Variants in DZIP1 observed in about 807,000 individuals in gnomAD.
DZIP1 encodes the protein cilium assembly protein DZIP1.
A neutral mutation model predicts 107.6 loss-of-function variants in DZIP1; 97 were observed. The observed-to-expected ratio is 0.90, with a 90% confidence interval of 0.77 to 1.07. The LOEUF (loss-of-function observed/expected upper bound fraction) is 1.07, where lower values mean the gene tolerates loss of function less well. Among genes scored for constraint, DZIP1 ranks in the 50% least tolerant of loss-of-function variants. The pLI is 0.00. For synonymous variants in DZIP1, 390 were observed against 386.4 expected (o/e 1.01, Z -0.11); for missense variants, 1,035 against 1,063.6 (o/e 0.97, Z 0.37).
intron 13 of DZIP1, among the ~76,000 whole-genome samples, chr13:95,606,344 A>G (rs1266818188): frequency 2.7e-5 from 4 of 150,802 alleles, no homozygotes; most frequent in Non-Finnish European, 5.9e-5. Context: ...CATTTGCTTC[A>G]TCACCTCCCT....
intron 10 of DZIP1, among the ~76,000 whole-genome samples, chr13:95,614,358 C>G (rs1032833778): frequency 6.6e-6 from 1 of 152,024 alleles, no homozygotes; most frequent in Non-Finnish European, 1.5e-5. Context: ...GGAAAAGTGG[C>G]CTCCAAAGCA....
chr13:95,616,590 CTGTT>C (rs751045108), intron 10 of DZIP1, among the ~76,000 whole-genome samples: 1 of 152,138 alleles, frequency 6.6e-6, no homozygotes, highest in African/African-American at 2.4e-5. Context: ...GCTCAGAACT[CTGTT>C]TGAGATATTA....
chr13:95,588,434 GATTAA>G (rs1446409377), intron 19 of DZIP1, among the ~76,000 whole-genome samples: 25 of 152,184 alleles, frequency 1.6e-4, no homozygotes, highest in African/African-American at 5.5e-4. Flanking sequence ...AGGCAATGAT[GATTAA>G]ATTATTCATG....
chr13:95,600,710 A>G (rs116184387), intron 14 of DZIP1, among the ~76,000 whole-genome samples: 18 of 152,278 alleles, frequency 1.2e-4, no homozygotes, highest in African/African-American at 4.1e-4. Context: ...CAATGTATGT[A>G]ACATTGGCTG....
Position 95,641,728 on chromosome 13 carries a change from AG to A in DZIP1, c.163del (p.Leu55CysfsTer18). On this transcript the variant is annotated frameshift_variant, in exon 5 of 23. Transcript: ENST00000376829. LOFTEE classifies it high-confidence loss of function. This position sits in a 1 kb window ranked among gnomAD's most constrained non-coding sequence, Gnocchi z 4.3. ...CCGCGGCCTGAACTGGAAGAAGGGC[AG>A]GGGCCCCGAAGCCGCGCTGGGGGGC... Reference protein sequence around the residue: ...CAPPSAASGPLPFFQFRPRLE... With the variant: ...CAPPSAASGPXPFFQFRPRLE... 1 of 1,596,888 alleles carries A rather than the reference AG, an allele frequency of 6.3e-7. No homozygotes were observed. Among genetic ancestry groups the A allele is most frequent in the Non-Finnish European group, 8.5e-7 (1 of 1,176,950 alleles).
At chr13:95,601,620 C>T (rs2044618745) in intron 14 of DZIP1, among the ~76,000 whole-genome samples, 2 of 152,196 alleles carry the variant, frequency 1.3e-5, no homozygotes, top group African/African-American at 4.8e-5. Context: ...ACTGCAGTAG[C>T]CACAGCTGTT....
chr13:95,616,735 C>T (rs1367178415), intron 10 of DZIP1, among the ~76,000 whole-genome samples: 1 of 152,004 alleles, frequency 6.6e-6, no homozygotes, highest in Non-Finnish European at 1.5e-5. Context: ...TGGTGTACAC[C>T]CCCTGTGTGA....
In DZIP1 at chr13:95,641,434, T is replaced by C; in HGVS notation, c.458A>G (p.His153Arg). Residue 153 changes from histidine to arginine, a missense_variant, in exon 5 of 23, where the codon CAC (histidine) becomes CGC (arginine). By Grantham distance (29) the His-to-Arg change is conservative. Transcript: ENST00000376829. This position sits in a 1 kb window ranked among gnomAD's most constrained non-coding sequence, Gnocchi z 4.3. The stretch of plus-strand genomic sequence containing the variant: ...CTTCTTGCTCTGCTCGCCGTCGCAG[T>C]GGCTCAGGCGCAGCCGCTCCTCCAG... ...HTLEERLRLS[H>R]CDGEQSKKLL... 1 of 1,614,160 alleles carries C rather than the reference T, an allele frequency of 6.2e-7. No homozygotes were observed. Among genetic ancestry groups the C allele is most frequent in the Non-Finnish European group, 8.5e-7 (1 of 1,180,028 alleles).
In DZIP1 at chr13:95,641,377, G is replaced by A. The variant is rs9561921; in HGVS notation, c.515C>T (p.Thr172Met). The A allele has an allele frequency of 0.084, 135,597 of 1,613,950 alleles. 6,524 individuals are homozygous for A. Among genetic ancestry groups the A allele is most frequent in the East Asian group, 0.2 (8,949 of 44,846 alleles). The change falls in exon 5 of 23, where the codon ACG becomes ATG. Residue 172 changes from threonine to methionine, a missense_variant. Physicochemically the swap from Thr to Met is moderately conservative, Grantham distance 81. Coordinates refer to ENST00000376829, the MANE Select transcript of DZIP1 (RefSeq NM_198968.4). This position sits in a 1 kb window ranked among gnomAD's most constrained non-coding sequence, Gnocchi z 4.3. The part of the protein sequence containing the change: ...LLTKQAGEIK[T>M]LKEECKRRKK... ...CCGGCGTTTGCACTCTTCCTTGAGC[G>A]TCTTGATCTCCCCCGCCTGCTTGGT... is the stretch of plus-strand genomic sequence containing the variant.
rs567223532 is a variant in DZIP1, at chr13:95,586,128, C to T, written c.2227G>A (p.Val743Ile). 30 of 1,607,262 alleles carry T rather than the reference C, an allele frequency of 1.9e-5. No individual in the cohort carries two copies. The highest frequency in any genetic ancestry group is 6.8e-5 in the Admixed American group (4 of 58,556). ...TCAACTTTTTCAGTAGGTGTTTTAACGGCGACTCCTATAAGATCAATAAAA... is the reference window on the plus strand; with the variant it reads ...TCAACTTTTTCAGTAGGTGTTTTAATGGCGACTCCTATAAGATCAATAAAA... The part of the protein sequence containing the change: ...DDSPKPAGVA[V>I]KTPTEKVEKM... The change falls in exon 21 of 23, where the codon GTT (valine) becomes ATT (isoleucine). Residue 743 changes from valine to isoleucine, a missense_variant. Val to Ile is a conservative substitution (Grantham distance 29, BLOSUM62 3). Transcript: ENST00000376829.
At chr13:95,603,331 A>G (rs1234204240) in intron 14 of DZIP1, among the ~76,000 whole-genome samples, 1 of 148,958 alleles carries the variant, frequency 6.7e-6, no homozygotes, top group Non-Finnish European at 1.5e-5. Flanking sequence ...AAAAAAAAAA[A>G]AAAAGAGTTT....
chr13:95,639,681 G>A (rs201990987), intron 5 of DZIP1, among the ~76,000 whole-genome samples: 9 of 150,200 alleles, frequency 6.0e-5, no homozygotes, highest in Admixed American at 3.3e-4. Flanking sequence ...CCCAAAAAAG[G>A]AAAAAAAAGT....
Position 95,621,074 on chromosome 13 carries a change from A to G in DZIP1, c.1111-1127T>C, listed in dbSNP as rs75224125. On this transcript the variant is annotated intron_variant, in intron 9 of 22. Transcript: ENST00000376829. ...TATAATGTGTATGTCATCAGATCCC[A>G]CTTAGGGACTACAGAAATGCTATAG... Among the ~76,000 whole-genome samples the G allele has an allele frequency of 9.5e-3, 1,440 of 152,294 alleles. 22 individuals are homozygous for G. Among genetic ancestry groups the G allele is most frequent in the African/African-American group, 0.033 (1,388 of 41,564 alleles).
At chr13:95,602,644 C>G (rs535511932) in intron 14 of DZIP1, among the ~76,000 whole-genome samples, 1 of 152,394 alleles carries the variant, frequency 6.6e-6, no homozygotes, top group African/African-American at 2.4e-5. Flanking sequence ...GACATGTTCA[C>G]TGAAGACTCT....
At chr13:95,612,809 T>A (rs960180861) in intron 10 of DZIP1, among the ~76,000 whole-genome samples, 10 of 152,064 alleles carry the variant, frequency 6.6e-5, no homozygotes, top group African/African-American at 2.4e-4. Context: ...GGTCTCGAAG[T>A]CCTGAACTCA....
chr13:95,596,703 C>T (rs1023534659), intron 15 of DZIP1, among the ~76,000 whole-genome samples: 4 of 152,168 alleles, frequency 2.6e-5, no homozygotes, highest in African/African-American at 9.7e-5. Context: ...CCCTTCTGGC[C>T]CTCACATTCT....
At chr13:95,614,820 C>T (rs1346252629) in intron 10 of DZIP1, among the ~76,000 whole-genome samples, 1 of 152,086 alleles carries the variant, frequency 6.6e-6, no homozygotes, top group Non-Finnish European at 1.5e-5. Context: ...CTGTGAACTC[C>T]TACCAATGTT....
intron 10 of DZIP1, among the ~76,000 whole-genome samples, chr13:95,618,613 G>T (rs538300765): frequency 1.3e-5 from 2 of 152,046 alleles, no homozygotes; most frequent in Non-Finnish European, 2.9e-5. Context: ...CTCTAGTATT[G>T]TTCCCAGTTT....
intron 13 of DZIP1, among the ~76,000 whole-genome samples, chr13:95,608,228 A>G (rs1369351387): frequency 6.6e-6 from 1 of 152,120 alleles, no homozygotes; most frequent in East Asian, 1.9e-4. Flanking sequence ...ACATTCCCCA[A>G]TCAGTAAAAG....
Sources: gnomAD v4.1 joint callset for allele counts (sites outside exome capture counted in the v4.1 genomes callset) on GRCh38, gnomAD v4.1.1 for gene constraint, Gnocchi (gnomAD v3.1) non-coding constraint, MANE v1.5 for transcripts, NCBI Gene and HGNC (gene_info 2026-07-23, HGNC 2026-07-21) for gene names.